LUZP2: variants seen among roughly 807,000 people sequenced by gnomAD.
The protein encoded by LUZP2 is leucine zipper protein 2.
A neutral mutation model predicts 51.6 loss-of-function variants in LUZP2; 52 were observed. The ratio of observed to expected loss-of-function variants is 1.01; its 90% confidence interval spans 0.81 to 1.27. The LOEUF (loss-of-function observed/expected upper bound fraction) is 1.27. Among genes scored for constraint, LUZP2 ranks in the 50% most tolerant of loss-of-function variants. The pLI is 0.00. For synonymous variants in LUZP2, 154 were observed against 137.3 expected (o/e 1.12, Z -0.85); for missense variants, 436 against 395.4 (o/e 1.10, Z -0.87).
intron 1 of LUZP2, among the ~76,000 whole-genome samples, chr11:24,574,205 T>A (rs1852537850): frequency 3.4e-4 from 1 of 2,970 alleles, no homozygotes; most frequent in African/African-American, 3.8e-4. Flanking sequence ...TTTCTCTTTC[T>A]TCCTTCCTTT....
At chr11:24,994,021 C>T (rs991830548) in intron 9 of LUZP2, among the ~76,000 whole-genome samples, 14 of 151,966 alleles carry the variant, frequency 9.2e-5, no homozygotes, top group African/African-American at 2.4e-4. Context: ...CCAACACGCC[C>T]GACTAATTTT....
chr11:24,769,641 AT>A (rs2134047827), intron 5 of LUZP2, among the ~76,000 whole-genome samples: 1 of 150,594 alleles, frequency 6.6e-6, no homozygotes, highest in South Asian at 2.1e-4. Flanking sequence ...GAAGGGAAAG[AT>A]GGAGGAGATG....
At chr11:24,739,032 G>A (rs1436194549) in intron 4 of LUZP2, among the ~76,000 whole-genome samples, 3 of 152,052 alleles carry the variant, frequency 2.0e-5, no homozygotes, top group African/African-American at 7.2e-5. Flanking sequence ...AACATATGAG[G>A]TATGGTAAGG....
At chr11:24,810,368 T>C (rs973405601) in intron 5 of LUZP2, among the ~76,000 whole-genome samples, 1 of 152,192 alleles carries the variant, frequency 6.6e-6, no homozygotes, top group African/African-American at 2.4e-5. Context: ...CAATTACATA[T>C]GGCTCAACCT....
At chr11:24,887,444 C>T (rs542742544) in intron 5 of LUZP2, among the ~76,000 whole-genome samples, 21 of 151,996 alleles carry the variant, frequency 1.4e-4, no homozygotes, top group Non-Finnish European at 2.6e-4. Context: ...TATATGTAAG[C>T]GAATAAGGTG....
chr11:24,732,082 C>T, intron 2 of LUZP2, 36 bp from the exon 3 acceptor site: 1 of 1,529,324 alleles, frequency 6.5e-7, no homozygotes, highest in Non-Finnish European at 9.0e-7. Flanking sequence ...AATTTCTCAC[C>T]TGAATAAAAC....
chr11:24,503,924 C>T (rs1228464380), intron 1 of LUZP2, among the ~76,000 whole-genome samples: 2 of 151,902 alleles, frequency 1.3e-5, no homozygotes, highest in African/African-American at 2.4e-5. Flanking sequence ...AACAACAGGC[C>T]GTAAGACAAA....
At chr11:24,697,783 C>A (rs945732436) in intron 1 of LUZP2, among the ~76,000 whole-genome samples, 1 of 152,136 alleles carries the variant, frequency 6.6e-6, no homozygotes, top group Non-Finnish European at 1.5e-5. Flanking sequence ...ATAAGATTTG[C>A]AACTTCTCTG....
intron 1 of LUZP2, among the ~76,000 whole-genome samples, chr11:24,694,218 G>A (rs1857168336): frequency 6.6e-6 from 1 of 151,912 alleles, no homozygotes; most frequent in Non-Finnish European, 1.5e-5. Flanking sequence ...GGCCCATGTA[G>A]ATCTCTTTGA....
intron 7 of LUZP2, among the ~76,000 whole-genome samples, chr11:24,938,186 G>A (rs906263876): frequency 1.3e-5 from 2 of 152,086 alleles, no homozygotes; most frequent in Non-Finnish European, 2.9e-5. Flanking sequence ...AAGTACTAAA[G>A]GCATAGTATT....
chr11:24,646,228 A>T (rs1008364498), intron 1 of LUZP2, among the ~76,000 whole-genome samples: 1 of 152,124 alleles, frequency 6.6e-6, no homozygotes, highest in Non-Finnish European at 1.5e-5. Context: ...GTGTGCGTGT[A>T]AAAATGAGAA....
chr11:24,624,601 G>A (rs1211306792), intron 1 of LUZP2, among the ~76,000 whole-genome samples: 1 of 152,034 alleles, frequency 6.6e-6, no homozygotes, highest in Non-Finnish European at 1.5e-5. Flanking sequence ...AATGGCGAGA[G>A]GTTATTATAG....
intron 4 of LUZP2, among the ~76,000 whole-genome samples, chr11:24,759,247 T>C (rs1482211296): frequency 1.3e-5 from 2 of 152,102 alleles, no homozygotes; most frequent in East Asian, 3.9e-4. Context: ...AAGCTTTGAA[T>C]CTCATTAAAA....
At chr11:24,561,903 T>A (rs1467067556) in intron 1 of LUZP2, among the ~76,000 whole-genome samples, 1 of 152,036 alleles carries the variant, frequency 6.6e-6, no homozygotes. Context: ...CTTAATTTTG[T>A]TTTGGAAGAT....
intron 5 of LUZP2, chr11:24,891,628 T>C (rs931498886): frequency 1.8e-4 from 122 of 690,676 alleles, no homozygotes; most frequent in Non-Finnish European, 2.1e-4. Context: ...CTTTGATAAG[T>C]CCTATGTGTC....
intron 5 of LUZP2, among the ~76,000 whole-genome samples, chr11:24,844,452 G>A (rs978515768): frequency 6.6e-6 from 1 of 152,260 alleles, no homozygotes; most frequent in African/African-American, 2.4e-5. Flanking sequence ...AGTAAGCAGA[G>A]TGTAAAAGTT....
chr11:24,573,807 C>G (rs1267617148), intron 1 of LUZP2, among the ~76,000 whole-genome samples: 1 of 151,944 alleles, frequency 6.6e-6, no homozygotes, highest in African/African-American at 2.4e-5. Context: ...TTACCTGTTT[C>G]AGTCTTTTAT....
chr11:24,633,960 G>GTATATATATATATA lies in LUZP2; in HGVS notation c.63-95208_63-95207insATATATATATATAT, dbSNP rs766684338. Among the ~76,000 whole-genome samples, 28 of 135,732 alleles carry GTATATATATATATA rather than the reference G, an allele frequency of 2.1e-4. No homozygotes were observed. In the South Asian group the frequency reaches 2.2e-3, roughly 11 times the overall value. The allele number at this position is 135,732 out of a possible 152,430, so 89.0% of individuals were successfully genotyped here. A position where few individuals can be genotyped will look rare whatever the true frequency, so the allele number is the denominator to read the frequency against. On this transcript the variant is annotated intron_variant, in intron 1 of 11. Transcript: ENST00000336930. ...CACACGTGTGTGTGTGTGTGTGTGT[G>GTATATATATATATA]TGTGTATATATAGTCTGTCTATTAA... is the stretch of plus-strand genomic sequence containing the variant.
chr11:24,565,412 C>T (rs1422556932), intron 1 of LUZP2, among the ~76,000 whole-genome samples: 6 of 151,938 alleles, frequency 3.9e-5, no homozygotes, highest in Non-Finnish European at 7.4e-5. Flanking sequence ...ATATAAGGGA[C>T]GTGAAGGTAA....
Sources: gnomAD v4.1 joint callset for allele counts (sites outside exome capture counted in the v4.1 genomes callset) on GRCh38, gnomAD v4.1.1 for gene constraint, MANE v1.5 for transcripts, NCBI Gene and HGNC (gene_info 2026-07-23, HGNC 2026-07-21) for gene names.